The following AMZ1 variants were observed in gnomAD, a reference collection of about 807,000 sequenced individuals.
The protein encoded by AMZ1 is archaelysin family metallopeptidase 1.
In AMZ1, 39 loss-of-function variants were observed where a neutral mutation model predicts 29.9. The ratio of observed to expected loss-of-function variants is 1.30; its 90% confidence interval spans 1.01 to 1.70. The LOEUF (loss-of-function observed/expected upper bound fraction) is 1.70, where lower values mean the gene tolerates loss of function less well. Ranked by LOEUF, AMZ1 falls within the 40% of genes most tolerant of loss-of-function variation. The pLI, the probability that AMZ1 is intolerant of heterozygous loss-of-function variation, is 0.00. For synonymous variants in AMZ1, 458 were observed against 304.0 expected, an observed-to-expected ratio of 1.51 and a Z score of -5.27; for missense variants, 1,041 against 680.6, an observed-to-expected ratio of 1.53 and a Z score of -5.89.
chr7:2,758,017 AT>A (rs1266722504), intron 4 of AMZ1, among the ~76,000 whole-genome samples: 1 of 152,188 alleles, frequency 6.6e-6, no homozygotes, highest in East Asian at 1.9e-4. Context: ...TACAGACCTA[AT>A]AAATGTCTGG....
At chr7:2,723,842 G>A (rs905738160), downstream of AMZ1, among the ~76,000 whole-genome samples, 1 of 152,334 alleles carries the variant, frequency 6.6e-6, no homozygotes, top group Admixed American at 6.5e-5. Flanking sequence ...CCTCCTCACA[G>A]AGGGCCACGC....
At chr7:2,743,695 C>A (rs1190412372) in intron 4 of AMZ1, among the ~76,000 whole-genome samples, 3 of 152,146 alleles carry the variant, frequency 2.0e-5, no homozygotes, top group African/African-American at 7.2e-5. Flanking sequence ...GGGCGCAGCG[C>A]ACTGTGCGCG....
chr7:2,753,686 T>C (rs1791146310), intron 4 of AMZ1, among the ~76,000 whole-genome samples: 1 of 152,230 alleles, frequency 6.6e-6, no homozygotes, highest in South Asian at 2.1e-4. Context: ...GTTTCATTTC[T>C]CTAGGGTAAA....
rs1789016029 is a variant in AMZ1, at chr7:2,714,703, G to T, written c.*1825G>T. On this transcript the variant is annotated 3_prime_UTR_variant, in exon 7 of 7. Transcript: ENST00000683327. The stretch of plus-strand genomic sequence containing the variant: ...CTCGGTGGAGACGGTTTGCCCCTGT[G>T]GCTCGACTGGAGTGTTCGTTCACAC... 6.6e-6 allele frequency: 1 copy of T among 151,756 alleles called. No individual in the cohort carries two copies. Among genetic ancestry groups the T allele is most frequent in the African/African-American group, 2.4e-5 (1 of 41,228 alleles). The allele number at this position is 151,756 out of a possible 1,614,324, so 9.4% of individuals were successfully genotyped here. A position where few individuals can be genotyped will look rare whatever the true frequency, so the allele number is the denominator to read the frequency against.
At chr7:2,747,890 G>C (rs1418656990) in intron 4 of AMZ1, among the ~76,000 whole-genome samples, 3 of 152,042 alleles carry the variant, frequency 2.0e-5, no homozygotes, top group Non-Finnish European at 2.9e-5. Flanking sequence ...GCCAAATCAT[G>C]AGTGAACTCC....
intron 5 of AMZ1, 101 bp from the exon 6 acceptor site, chr7:2,709,539 C>T (rs1021919172): frequency 2.0e-6 from 3 of 1,497,430 alleles, no homozygotes; most frequent in Non-Finnish European, 1.8e-6. Context: ...GCCATCTGGC[C>T]TCACCCAGGT....
At chr7:2,686,923 C>T (rs996191263), upstream of AMZ1, among the ~76,000 whole-genome samples, 4 of 151,910 alleles carry the variant, frequency 2.6e-5, no homozygotes, top group Non-Finnish European at 5.9e-5. Context: ...CCATACTGGC[C>T]AGGCCGGTCT....
At chr7:2,709,287 G>C in intron 5 of AMZ1, 43 bp downstream of exon 5, 1 of 1,465,698 alleles carries the variant, frequency 6.8e-7, no homozygotes, top group Non-Finnish European at 9.0e-7. Context: ...ACAGGAGGGT[G>C]CTGTCTGAGC....
upstream of AMZ1, chr7:2,763,191 AAC>A (rs56384682): frequency 7.8e-3 from 1,740 of 222,552 alleles, 17 homozygotes; most frequent in African/African-American, 0.018. Context: ...AAGACACCCC[AAC>A]ACACACACAC....
At chr7:2,739,294 T>A (rs1251805888) in intron 4 of AMZ1, among the ~76,000 whole-genome samples, 2 of 152,220 alleles carry the variant, frequency 1.3e-5, no homozygotes, top group Non-Finnish European at 2.9e-5. Context: ...CCCACTGCCC[T>A]GGCCCAGACC....
Position 2,704,891 on chromosome 7 carries a change from C to T in AMZ1, c.472+2002C>T, listed in dbSNP as rs371699657. ...GATTACAGGTGTGAGCCACTGCGCC[C>T]GGCCCAGTGTCACATTTTTATAGGT... is the stretch of plus-strand genomic sequence containing the variant. On this transcript the variant is annotated intron_variant, in intron 3 of 6. Coordinates refer to ENST00000683327, the MANE Select transcript of AMZ1 (RefSeq NM_001384743.1). 4.8e-4 allele frequency among the ~76,000 whole-genome samples: 73 copies of T among 152,094 alleles called. 1 individual carries two copies. The highest frequency in any genetic ancestry group is 2.2e-4 in the Non-Finnish European group (15 of 68,012).
At chr7:2,729,603 G>C (rs1292329988) in intron 4 of AMZ1, 1 of 152,352 alleles carries the variant, frequency 6.6e-6, no homozygotes, top group African/African-American at 2.4e-5. Context: ...CCAAGGGCTT[G>C]CGTTTACCGG....
At chr7:2,753,390 A>T (rs1382139187) in intron 4 of AMZ1, among the ~76,000 whole-genome samples, 1 of 68,158 alleles carries the variant, frequency 1.5e-5, no homozygotes, top group Admixed American at 1.7e-4. Flanking sequence ...GGCTCAAGCC[A>T]TCCTCCCAAA....
downstream of AMZ1, among the ~76,000 whole-genome samples, chr7:2,723,685 G>C (rs1237184204): frequency 6.6e-6 from 1 of 152,150 alleles, no homozygotes; most frequent in Non-Finnish European, 1.5e-5. Context: ...ACAGCTTCAG[G>C]GCAGAGGCTG....
chr7:2,687,813 T>C (rs1178139561), upstream of AMZ1, among the ~76,000 whole-genome samples: 1 of 151,228 alleles, frequency 6.6e-6, no homozygotes, highest in Non-Finnish European at 1.5e-5. Flanking sequence ...CTGGGGCCTC[T>C]CCTGGTGGCC....
intron 4 of AMZ1, among the ~76,000 whole-genome samples, chr7:2,750,154 C>A (rs547472194): frequency 1.1e-4 from 17 of 152,308 alleles, no homozygotes; most frequent in African/African-American, 3.9e-4. Context: ...TCCGGTCTGA[C>A]ATGTAAAGGG....
chr7:2,689,375 G>GGGC (rs1787250953), intron 1 of AMZ1, among the ~76,000 whole-genome samples: 2 of 152,234 alleles, frequency 1.3e-5, no homozygotes, highest in Non-Finnish European at 2.9e-5. Flanking sequence ...CTCCCTGGGG[G>GGGC]GGGGATGCGG....
chr7:2,755,333 G>A (rs1424468736), intron 4 of AMZ1, among the ~76,000 whole-genome samples: 1 of 152,234 alleles, frequency 6.6e-6, no homozygotes, highest in Non-Finnish European at 1.5e-5. Context: ...TCAAATCTGT[G>A]TATCAATCAG....
rs10265172 is a variant in AMZ1 at position 2,717,251 on chromosome 7, G to A, written c.*4373G>A. Among the ~76,000 whole-genome samples, 53,935 of 152,212 alleles carry A rather than the reference G, an allele frequency of 0.35. 10,228 individuals are homozygous for A. The highest frequency in any genetic ancestry group is 0.49 in the African/African-American group (20,217 of 41,524). The stretch of plus-strand genomic sequence containing the variant: ...TGTTTATAAAAGGAGGGCGAGGCCT[G>A]CACAGGAATATTTTTATCCCCGTGA... On this transcript the variant is annotated 3_prime_UTR_variant, in exon 7 of 7. Transcript: ENST00000683327.
Sources: allele counts gnomAD v4.1 joint callset (sites outside exome capture counted in the v4.1 genomes callset), GRCh38; gene constraint gnomAD v4.1.1; transcripts MANE v1.5; gene names NCBI Gene and HGNC (gene_info 2026-07-23, HGNC 2026-07-21).